DLG2: variants seen among roughly 807,000 people sequenced by gnomAD.
The protein encoded by DLG2 is disks large homolog 2.
In DLG2, 45 loss-of-function variants were observed where a neutral mutation model predicts 132.5. That is an observed-to-expected ratio of 0.34 (90% confidence interval 0.27 to 0.44). The LOEUF (loss-of-function observed/expected upper bound fraction) is 0.44, where lower values mean the gene tolerates loss of function less well. Ranked by LOEUF, DLG2 falls within the 20% of genes least tolerant of loss-of-function variation. The pLI is 1.00. For synonymous variants in DLG2, 424 were observed against 419.6 expected, an observed-to-expected ratio of 1.01 and a Z score of -0.13; for missense variants, 1,045 against 1,196.9, an observed-to-expected ratio of 0.87 and a Z score of 1.87.
At chr11:84,159,623 G>C (rs1166880778) in intron 9 of DLG2, among the ~76,000 whole-genome samples, 3 of 152,154 alleles carry the variant, frequency 2.0e-5, no homozygotes, top group Non-Finnish European at 4.4e-5. Context: ...AGAAGGCCTT[G>C]TATGTAATGA....
intron 7 of DLG2, among the ~76,000 whole-genome samples, chr11:84,460,925 A>G: frequency 6.6e-6 from 1 of 150,640 alleles, no homozygotes; most frequent in East Asian, 2.0e-4. Flanking sequence ...ACTACCCTAT[A>G]AGAGACTCAT....
chr11:84,661,090 C>A lies in DLG2; in HGVS notation c.358-126359G>T, dbSNP rs144244714. On this transcript the variant is annotated intron_variant, in intron 6 of 27. Coordinates refer to ENST00000376104, the MANE Select transcript of DLG2 (RefSeq NM_001142699.3). Reference sequence around the variant, plus strand: ...AAAATAAAATTTTATGACTTTGTTACCATATACGCCCCCTCTCTCCAGGTA... The same window carrying A: ...AAAATAAAATTTTATGACTTTGTTAACATATACGCCCCCTCTCTCCAGGTA... Among the ~76,000 whole-genome samples the A allele has an allele frequency of 2.3e-3, 352 of 152,228 alleles. 3 individuals carry two copies. The highest frequency in any genetic ancestry group is 8.3e-3 in the African/African-American group (343 of 41,546).
chr11:84,231,930 A>T (rs531875787), intron 8 of DLG2, among the ~76,000 whole-genome samples: 4 of 152,280 alleles, frequency 2.6e-5, no homozygotes, highest in African/African-American at 7.2e-5. Context: ...CTATGTAAGG[A>T]TTACTGATCA....
At chr11:84,786,071 T>C (rs2072845184) in intron 6 of DLG2, among the ~76,000 whole-genome samples, 1 of 152,140 alleles carries the variant, frequency 6.6e-6, no homozygotes, top group South Asian at 2.1e-4. Flanking sequence ...TTCTAGCTCT[T>C]TTAAGTGGAC....
At position 85,285,848 on chromosome 11, in the gene DLG2, T is replaced by C. The variant is rs538284241; in HGVS notation, c.41-483A>G. On this transcript the variant is annotated intron_variant, in intron 3 of 27. Coordinates refer to ENST00000376104, the MANE Select transcript of DLG2 (RefSeq NM_001142699.3). ...AAGAGAAGGAGGTTTGACTAGATAA[T>C]GCAGAGGATGATGAAAATATTCTCT... Among the ~76,000 whole-genome samples, 192 of 152,024 alleles carry C rather than the reference T, an allele frequency of 1.3e-3. 1 individual carries two copies. Among genetic ancestry groups the C allele is most frequent in the Middle Eastern group, 3.4e-3 (1 of 294 alleles).
At chr11:85,458,653 G>T (rs1054209584) in intron 3 of DLG2, among the ~76,000 whole-genome samples, 1 of 152,170 alleles carries the variant, frequency 6.6e-6, no homozygotes, top group African/African-American at 2.4e-5. Flanking sequence ...CTTATTTGTA[G>T]TTGAATTCTT....
intron 6 of DLG2, among the ~76,000 whole-genome samples, chr11:84,690,110 G>A (rs1347610603): frequency 6.6e-6 from 1 of 151,842 alleles, no homozygotes; most frequent in African/African-American, 2.4e-5. Context: ...AGGTGGTCGG[G>A]ATGGGGTTGG....
chr11:85,603,209 G>C (rs2080290208), intron 2 of DLG2, among the ~76,000 whole-genome samples: 1 of 152,108 alleles, frequency 6.6e-6, no homozygotes, highest in African/African-American at 2.4e-5. Context: ...TAACAACTCT[G>C]AATCAAGGAC....
chr11:83,744,454 C>T (rs996051852), intron 18 of DLG2, among the ~76,000 whole-genome samples: 5 of 152,286 alleles, frequency 3.3e-5, no homozygotes, highest in African/African-American at 1.2e-4. Flanking sequence ...TAAGGTATTG[C>T]TTTTTGGCAA....
At chr11:84,400,786 T>G (rs2098826662) in intron 7 of DLG2, among the ~76,000 whole-genome samples, 1 of 152,158 alleles carries the variant, frequency 6.6e-6, no homozygotes, top group African/African-American at 2.4e-5. Context: ...TGTTTAAGGA[T>G]TTTTCCCTAA....
At chr11:84,489,404 T>C (rs1317747322) in intron 7 of DLG2, among the ~76,000 whole-genome samples, 1 of 152,130 alleles carries the variant, frequency 6.6e-6, no homozygotes, top group African/African-American at 2.4e-5. Flanking sequence ...AAAAATGTGT[T>C]TCTGAAATAT....
At chr11:85,338,233 G>A (rs2082258535) in intron 3 of DLG2, among the ~76,000 whole-genome samples, 1 of 152,146 alleles carries the variant, frequency 6.6e-6, no homozygotes, top group Non-Finnish European at 1.5e-5. Context: ...GGAGTATTCT[G>A]TAAGACAATA....
intron 9 of DLG2, among the ~76,000 whole-genome samples, chr11:84,109,094 GA>G (rs1216860399): frequency 2.0e-5 from 3 of 149,902 alleles, no homozygotes; most frequent in South Asian, 2.1e-4. Context: ...TGGAGAGAAA[GA>G]AAAAAAATAC....
intron 25 of DLG2, among the ~76,000 whole-genome samples, chr11:83,468,187 T>C (rs1401735524): frequency 6.6e-6 from 1 of 152,162 alleles, no homozygotes; most frequent in Non-Finnish European, 1.5e-5. Flanking sequence ...ATCTCATCTA[T>C]AATGTTCACA....
chr11:85,177,799 T>A (rs1401301970), intron 4 of DLG2, among the ~76,000 whole-genome samples: 2 of 152,066 alleles, frequency 1.3e-5, no homozygotes, highest in Admixed American at 6.6e-5. Flanking sequence ...AATCAGTAAT[T>A]TAACAAATAT....
At chr11:84,064,186 A>C (rs759615682) in intron 10 of DLG2, among the ~76,000 whole-genome samples, 3 of 152,210 alleles carry the variant, frequency 2.0e-5, no homozygotes, top group Non-Finnish European at 4.4e-5. Context: ...ATTTTTAAGT[A>C]TGTTAACTCA....
At chr11:84,402,881 CA>C (rs34476380) in intron 7 of DLG2, among the ~76,000 whole-genome samples, 40,858 of 73,920 alleles carry the variant, frequency 0.55, 10,053 homozygotes, top group Middle Eastern at 0.67. Context: ...AACTCCGTCT[CA>C]AAAAAAAAAA....
chr11:84,257,201 C>T lies in DLG2; in HGVS notation c.520-5910G>A, dbSNP rs75438493. On this transcript the variant is annotated intron_variant, in intron 7 of 27. Coordinates refer to ENST00000376104, the MANE Select transcript of DLG2 (RefSeq NM_001142699.3). ...GTGGCATGGTTGGGGGAGTGACTTC[C>T]GCCTTCATTTCCTGAATTACATTTT... Among the ~76,000 whole-genome samples the T allele has an allele frequency of 2.6e-4, 40 of 152,192 alleles. No individual in the cohort carries two copies. In the East Asian group the frequency reaches 7.2e-3, roughly 27 times the overall value.
intron 22 of DLG2, among the ~76,000 whole-genome samples, chr11:83,473,458 T>C (rs2092301457): frequency 6.6e-6 from 1 of 152,156 alleles, no homozygotes; most frequent in Non-Finnish European, 1.5e-5. Context: ...GCCTTCTGAC[T>C]CAGGGTGGAC....
Sources: gnomAD v4.1 joint callset for allele counts (sites outside exome capture counted in the v4.1 genomes callset) on GRCh38, gnomAD v4.1.1 for gene constraint, MANE v1.5 for transcripts, NCBI Gene and HGNC (gene_info 2026-07-23, HGNC 2026-07-21) for gene names.